The following TTLL8 variants were observed in gnomAD, a reference collection of about 807,000 sequenced individuals.
TTLL8 encodes tubulin tyrosine ligase like 8.
In TTLL8, 65 loss-of-function variants were observed where a neutral mutation model predicts 77.8. The ratio of observed to expected loss-of-function variants is 0.84; its 90% CI spans 0.68 to 1.03. The LOEUF is 1.03. Among genes scored for constraint, TTLL8 ranks in the 50% least tolerant of loss-of-function variants. TTLL8 has a pLI of 0.00. For missense variants in TTLL8, 910 were observed against 1,004.5 expected (o/e 0.91, Z 1.27); for synonymous variants, 402 against 422.8 (o/e 0.95, Z 0.60).
intron 12 of TTLL8, among the ~76,000 whole-genome samples, chr22:50,026,365 G>T (rs2061229596): frequency 8.0e-6 from 1 of 124,448 alleles, no homozygotes; most frequent in Non-Finnish European, 1.9e-5. Flanking sequence ...CCACCTCAGA[G>T]TGGAGGGTCA....
At chr22:50,057,588 A>AGGTCTGGGTTGGG (rs2061487794), upstream of TTLL8, among the ~76,000 whole-genome samples, 290 of 6,890 alleles carry the variant, frequency 0.042, 74 homozygotes, top group East Asian at 0.5. Flanking sequence ...GTCTGGGTTG[A>AGGTCTGGGTTGGG]GGGTCAGGTT....
exon 10 of TTLL8, chr22:50,033,243 C>T (rs1244003490): frequency 7.4e-7 from 1 of 1,358,544 alleles, no homozygotes; most frequent in Non-Finnish European, 9.8e-7. Context: ...TTGAGAACCG[C>T]AAGTAACTCT....
intron 3 of TTLL8, among the ~76,000 whole-genome samples, chr22:50,048,929 C>T (rs990581880): frequency 2.6e-5 from 4 of 152,242 alleles, no homozygotes; most frequent in East Asian, 1.9e-4. Context: ...ACACACCAGC[C>T]GGGCTGTCCG....
intron 10 of TTLL8, among the ~76,000 whole-genome samples, chr22:50,032,684 G>A (rs1199933582): frequency 6.6e-6 from 1 of 152,194 alleles, no homozygotes; most frequent in African/African-American, 2.4e-5. Context: ...CCAAGCAAGG[G>A]CCACACAATA....
chr22:50,042,848 C>A (rs893118966), intron 6 of TTLL8, among the ~76,000 whole-genome samples: 15 of 152,164 alleles, frequency 9.9e-5, no homozygotes, highest in African/African-American at 3.6e-4. Context: ...CAGACGCTGG[C>A]GAGGATGTGG....
upstream of TTLL8, among the ~76,000 whole-genome samples, chr22:50,057,987 G>A (rs563968399): frequency 1.3e-5 from 2 of 152,014 alleles, no homozygotes; most frequent in Admixed American, 1.3e-4. Flanking sequence ...GGATTCCTAG[G>A]GTAAGGGGTC....
At position 50,034,379 on chromosome 22, in the gene TTLL8, G is replaced by A. The variant is rs189508739; in HGVS notation, c.1005C>T (p.Pro335=). 4.2e-5 allele frequency: 57 copies of A among 1,366,988 alleles called. No homozygotes were observed. The highest frequency in any genetic ancestry group is 2.5e-4 in the Admixed American group (13 of 52,592). 84.7% of individuals were successfully genotyped at this position (1,366,988 alleles called of 1,614,324 possible). Reference sequence around the variant, plus strand: ...CACCTCGGCCCCGGGACTTGGCCGCGGGCTTTATAATCCAGATGTTCCGGA... The same window carrying A: ...CACCTCGGCCCCGGGACTTGGCCGCAGGCTTTATAATCCAGATGTTCCGGA... Residue 335 remains proline, a synonymous_variant, in exon 9 of 14, where the codon CCC becomes CCT. Transcript: ENST00000266182. The surrounding 1 kb of genome is among the most constrained non-coding windows in gnomAD (Gnocchi z 4.1).
rs1179884166 is a variant in TTLL8 at position 50,044,373 on chromosome 22, G to T, written c.643+882C>A. Among the ~76,000 whole-genome samples the T allele has an allele frequency of 6.6e-6, 1 of 151,504 alleles. No homozygotes were observed. The highest frequency in any genetic ancestry group is 1.5e-5 in the Non-Finnish European group (1 of 67,978). On this transcript the variant is annotated intron_variant, in intron 6 of 13. Transcript: ENST00000266182. The surrounding 1 kb of genome is among the most constrained non-coding windows in gnomAD (Gnocchi z 4.2). Reference sequence around the variant, plus strand: ...TCAGATGAGGTGGCCCAAGTGACCTGGTCTCCGACCAATGCAAACTACAAC... The same window carrying T: ...TCAGATGAGGTGGCCCAAGTGACCTTGTCTCCGACCAATGCAAACTACAAC...
chr22:50,046,098 C>T (rs1031620804), intron 4 of TTLL8, 128 bp from the exon 7 acceptor site: 52 of 782,460 alleles, frequency 6.6e-5, no homozygotes, highest in Admixed American at 2.3e-4. Flanking sequence ...ACCCCTAGGG[C>T]GGATCCCTCC....
At chr22:50,047,280 T>G (rs1484092874) in exon 4 of TTLL8, 1 of 1,367,606 alleles carries the variant, frequency 7.3e-7, no homozygotes, top group South Asian at 1.1e-5. Context: ...CGGCATCTCA[T>G]TTTTTACCAA....
At chr22:50,032,550 G>A (rs936431537) in intron 10 of TTLL8, among the ~76,000 whole-genome samples, 8 of 152,202 alleles carry the variant, frequency 5.3e-5, no homozygotes, top group African/African-American at 1.2e-4. Flanking sequence ...GCAGCCGCTC[G>A]CCTGGGCCGG....
intron 11 of TTLL8, 198 bp downstream of exon 12, chr22:50,031,488 G>A (rs751936602): frequency 5.3e-5 from 50 of 943,508 alleles, no homozygotes; most frequent in Admixed American, 1.2e-4. Context: ...CGGTGCCGAC[G>A]AGGCACTGAG....
intron 4 of TTLL8, among the ~76,000 whole-genome samples, chr22:50,046,507 G>A (rs1352147330): frequency 2.0e-5 from 3 of 152,234 alleles, no homozygotes; most frequent in Non-Finnish European, 4.4e-5. Context: ...CACAGCGCAC[G>A]CTGACTGGCT....
intron 8 of TTLL8, among the ~76,000 whole-genome samples, chr22:50,040,995 G>A (rs887397943): frequency 1.3e-5 from 2 of 152,190 alleles, no homozygotes; most frequent in Admixed American, 1.3e-4. Context: ...ATGAGAGTCA[G>A]CGAGCCAGGA....
chr22:50,049,350 A>G, intron 2 of TTLL8, 28 bp from the exon 5 acceptor site: 1 of 1,367,052 alleles, frequency 7.3e-7, no homozygotes, highest in Non-Finnish European at 9.8e-7. Flanking sequence ...GGGAGGCCTG[A>G]ACATGAAGCC....
chr22:50,055,826 C>A (rs938657810), upstream of TTLL8, among the ~76,000 whole-genome samples: 1 of 151,700 alleles, frequency 6.6e-6, no homozygotes, highest in Non-Finnish European at 1.5e-5. Flanking sequence ...GACGTGTCAG[C>A]GGTGTGTGAA....
exon 11 of TTLL8, chr22:50,031,700 G>T: frequency 7.6e-7 from 1 of 1,307,616 alleles, no homozygotes; most frequent in East Asian, 4.9e-5. Context: ...CTCCACAGGA[G>T]CTCGAAGTTG....
At chr22:50,024,901 A>G (rs2061223005) in intron 12 of TTLL8, among the ~76,000 whole-genome samples, 1 of 152,218 alleles carries the variant, frequency 6.6e-6, no homozygotes, top group Admixed American at 6.5e-5. Context: ...GGGCTGCTTT[A>G]GGTGCTGGGC....
intron 1 of TTLL8, among the ~76,000 whole-genome samples, chr22:50,054,125 G>A (rs969656331): frequency 2.0e-4 from 30 of 152,328 alleles, no homozygotes; most frequent in African/African-American, 1.7e-4. Context: ...GGGGAGTTAA[G>A]GGAATGCAGA....
Sources: allele counts gnomAD v4.1 joint callset (sites outside exome capture counted in the v4.1 genomes callset), GRCh38; gene constraint gnomAD v4.1.1; non-coding constraint Gnocchi (gnomAD v3.1); transcripts MANE v1.5; gene names NCBI Gene and HGNC (gene_info 2026-07-23, HGNC 2026-07-21).